Variants in FAM47E observed in about 807,000 individuals in gnomAD.
The protein encoded by FAM47E is protein FAM47E.
Under a neutral mutation model 41.6 loss-of-function variants are expected in FAM47E, and 32 were observed. The observed-to-expected ratio is 0.77, with a 90% CI of 0.58 to 1.03. The LOEUF (loss-of-function observed/expected upper bound fraction) is 1.03. Among genes scored for constraint, FAM47E ranks in the 50% least tolerant of loss-of-function variants. The pLI is 0.00. For synonymous variants in FAM47E, 184 were observed against 188.7 expected (o/e 0.98, Z 0.20); for missense variants, 424 against 485.4 (o/e 0.87, Z 1.19).
At chr4:76,277,484 C>T (rs6811535) in intron 5 of FAM47E, among the ~76,000 whole-genome samples, 55,585 of 148,592 alleles carry the variant, frequency 0.37, 10,737 homozygotes, top group Middle Eastern at 0.49. Context: ...AGCGAGACTC[C>T]GTCTCAAAAA....
intron 1 of FAM47E, chr4:76,217,484 G>A: frequency 2.4e-6 from 1 of 408,634 alleles, no homozygotes; most frequent in Non-Finnish European, 4.3e-6. Context: ...TCAGAGAGCG[G>A]GTTGTTGAAA....
At chr4:76,256,027 A>G (rs1734176165) in intron 1 of FAM47E, 151 bp from the exon 2 acceptor site, 1 of 814,008 alleles carries the variant, frequency 1.2e-6, no homozygotes, top group East Asian at 2.7e-5. Context: ...GATTAACTCC[A>G]GCTTCTCCAG....
At position 76,233,342 on chromosome 4, in the gene FAM47E, C is replaced by A. The variant is rs543734517; in HGVS notation, c.81+15654C>A. Among the ~76,000 whole-genome samples, 111 of 152,280 alleles carry A rather than the reference C, an allele frequency of 7.3e-4. No homozygotes were observed. In the Middle Eastern group the frequency reaches 0.01, roughly 14 times the overall value. ...TCAAAACCCAAAAAGCAGTTTGTAA[C>A]CTTAAAACATTTAGCAAACCTTGCA... On this transcript the variant is annotated intron_variant, in intron 2 of 7. Transcript: ENST00000510197.
upstream of FAM47E, among the ~76,000 whole-genome samples, chr4:76,247,428 T>A (rs1008508301): frequency 6.6e-6 from 1 of 152,166 alleles, no homozygotes; most frequent in Non-Finnish European, 1.5e-5. Flanking sequence ...TGAGTTCCTG[T>A]TGTTAATTCT....
intron 2 of FAM47E, among the ~76,000 whole-genome samples, chr4:76,230,675 C>G (rs182057063): frequency 4.2e-4 from 64 of 152,240 alleles, no homozygotes; most frequent in African/African-American, 1.4e-3. Flanking sequence ...TCCTCTTTCC[C>G]TCTTCTGTCC....
At chr4:76,245,033 T>C (rs910512566) in intron 2 of FAM47E, among the ~76,000 whole-genome samples, 1 of 152,200 alleles carries the variant, frequency 6.6e-6, no homozygotes, top group South Asian at 2.1e-4. Flanking sequence ...TGATGCCTAA[T>C]TATCCATCCA....
chr4:76,247,620 TTTATTA>T (rs745875204), upstream of FAM47E, among the ~76,000 whole-genome samples: 1 of 152,194 alleles, frequency 6.6e-6, no homozygotes, highest in South Asian at 2.1e-4. Flanking sequence ...TTCGTTTGTT[TTTATTA>T]TTATAACCAT....
At chr4:76,242,050 A>G (rs1192689177) in intron 2 of FAM47E, among the ~76,000 whole-genome samples, 1 of 152,208 alleles carries the variant, frequency 6.6e-6, no homozygotes, top group Admixed American at 6.5e-5. Flanking sequence ...TGTGGCTTAT[A>G]TGTGATTTCA....
intron 1 of FAM47E, among the ~76,000 whole-genome samples, chr4:76,216,171 T>A (rs1358673606): frequency 6.6e-6 from 1 of 152,188 alleles, no homozygotes; most frequent in African/African-American, 2.4e-5. Context: ...TTCTCTGCTG[T>A]TAAGTTTCAG....
At chr4:76,232,849 CA>C (rs966922821) in intron 2 of FAM47E, among the ~76,000 whole-genome samples, 1 of 152,018 alleles carries the variant, frequency 6.6e-6, no homozygotes. Flanking sequence ...AATAGTGTTC[CA>C]GATTACTATA....
At chr4:76,247,223 C>T (rs758064401), upstream of FAM47E, among the ~76,000 whole-genome samples, 6 of 152,092 alleles carry the variant, frequency 3.9e-5, no homozygotes, top group Non-Finnish European at 8.8e-5. Flanking sequence ...TTGCATTTGA[C>T]TTCTTTCACT....
Position 76,263,831 on chromosome 4 carries a change from T to A in FAM47E, c.548T>A (p.Val183Asp). The A allele has an allele frequency of 6.4e-7, 1 of 1,551,312 alleles. No homozygotes were observed. Among genetic ancestry groups the A allele is most frequent in the Non-Finnish European group, 8.7e-7 (1 of 1,146,708 alleles). ...CTTTTAAAAAAACATTCTACCCAAG[T>A]CTACCTGGGACCGTGAGTATTGTTC... Reference protein sequence around the residue: ...TKLLKKHSTQVYLGPSKKTSV... With the variant: ...TKLLKKHSTQDYLGPSKKTSV... Residue 183 changes from valine to aspartate, a missense_variant, in exon 3 of 8, where the codon GTC becomes GAC. Transcript: ENST00000424749.
chr4:76,223,376 T>C (rs1204786981), intron 2 of FAM47E, among the ~76,000 whole-genome samples: 1 of 152,148 alleles, frequency 6.6e-6, no homozygotes, highest in Non-Finnish European at 1.5e-5. Flanking sequence ...CCACCCCTTA[T>C]TGGGTCCTAC....
chr4:76,227,577 T>G (rs1421840459), intron 2 of FAM47E, among the ~76,000 whole-genome samples: 2 of 152,216 alleles, frequency 1.3e-5, no homozygotes, highest in African/African-American at 4.8e-5. Flanking sequence ...CATTGTTTCT[T>G]TGTTGACTTT....
chr4:76,282,861 T>A (rs977885972), intron 7 of FAM47E: 6 of 152,212 alleles, frequency 3.9e-5, no homozygotes, highest in African/African-American at 1.4e-4. Context: ...TATATGCATA[T>A]ACACACACAC....
chr4:76,244,811 T>TGTA (rs1733790321), intron 2 of FAM47E, among the ~76,000 whole-genome samples: 1 of 152,188 alleles, frequency 6.6e-6, no homozygotes, highest in Non-Finnish European at 1.5e-5. Flanking sequence ...GTGTTGGGAT[T>TGTA]ACAGGCGTGA....
intron 2 of FAM47E, among the ~76,000 whole-genome samples, chr4:76,224,433 T>C (rs1490797516): frequency 6.6e-6 from 1 of 152,230 alleles, no homozygotes; most frequent in Non-Finnish European, 1.5e-5. Flanking sequence ...TTCAAAGGGT[T>C]CACTCCCAAG....
chr4:76,248,045 G>T (rs980711709), upstream of FAM47E, among the ~76,000 whole-genome samples: 29 of 149,844 alleles, frequency 1.9e-4, no homozygotes, highest in Non-Finnish European at 3.5e-4. Flanking sequence ...CTCCCAAGTA[G>T]CTGGGACTAC....
At position 76,263,706 on chromosome 4, in the gene FAM47E, C is replaced by T; in HGVS notation, c.423C>T (p.Leu141=). The T allele has an allele frequency of 6.4e-7, 1 of 1,550,810 alleles. No homozygotes were observed. The part of the protein sequence containing the change: ...LNLEEAMPIE[L]LSKVLEVLDP... ...CTAAGACTATTTTCTGTTTGTAGCT[C>T]TTATCAAAGGTGCTGGAAGTGCTTG... The change falls in exon 3 of 8, where the codon CTC becomes CTT. Residue 141 remains leucine, a splice_region_variant and synonymous_variant. Coordinates refer to ENST00000424749, the MANE Select transcript of FAM47E (RefSeq NM_001136570.3).
Sources: allele counts gnomAD v4.1 joint callset (sites outside exome capture counted in the v4.1 genomes callset), GRCh38; gene constraint gnomAD v4.1.1; transcripts MANE v1.5; gene names NCBI Gene and HGNC (gene_info 2026-07-23, HGNC 2026-07-21).